LIN7C: variants seen among roughly 807,000 people sequenced by gnomAD.
LIN7C encodes the protein protein lin-7 homolog C.
Under a neutral mutation model 24.7 loss-of-function variants are expected in LIN7C, and 17 were observed. The observed-to-expected ratio is 0.69, with a 90% CI of 0.47 to 1.03. The LOEUF is 1.03. Among genes scored for constraint, LIN7C ranks in the 50% least tolerant of loss-of-function variants. LIN7C has a pLI of 0.00. For missense variants in LIN7C, 204 were observed against 239.0 expected, an observed-to-expected ratio of 0.85 and a Z score of 0.97; for synonymous variants, 90 against 83.4, an observed-to-expected ratio of 1.08 and a Z score of -0.43.
At chr11:27,504,371 C>T (rs1865253151) in intron 1 of LIN7C, among the ~76,000 whole-genome samples, 1 of 152,088 alleles carries the variant, frequency 6.6e-6, no homozygotes, top group South Asian at 2.1e-4. Context: ...CTACTATGTG[C>T]TCAAATTTGT....
rs139000692 is a variant in LIN7C at position 27,500,960 on chromosome 11, C to T, written c.228+535G>A. On this transcript the variant is annotated intron_variant, in intron 3 of 4. Coordinates refer to ENST00000278193, the MANE Select transcript of LIN7C (RefSeq NM_018362.4). ...CTGCTGATATTACCCTGTTCAAACCCCCTATCATGAATAGTGAGGTCAATA... is the reference window on the plus strand; with the variant it reads ...CTGCTGATATTACCCTGTTCAAACCTCCTATCATGAATAGTGAGGTCAATA... Among the ~76,000 whole-genome samples, 863 of 152,184 alleles carry T rather than the reference C, an allele frequency of 5.7e-3. 9 individuals carry two copies. The highest frequency in any genetic ancestry group is 0.02 in the African/African-American group (816 of 41,512).
intron 4 of LIN7C, 108 bp from the exon 5 acceptor site, chr11:27,498,912 A>G: frequency 1.1e-6 from 1 of 917,402 alleles, no homozygotes; most frequent in Admixed American, 2.8e-5. Context: ...TTTTAATGTT[A>G]TATTATTCCA....
intron 4 of LIN7C, 102 bp from the exon 5 acceptor site, chr11:27,498,906 AATGTT>A: frequency 4.1e-6 from 4 of 976,520 alleles, no homozygotes; most frequent in Non-Finnish European, 4.6e-6. Flanking sequence ...GAAAAGTTTT[AATGTT>A]ATATTATTCC....
At chr11:27,505,767 A>G (rs1385425119) in intron 1 of LIN7C, among the ~76,000 whole-genome samples, 1 of 152,210 alleles carries the variant, frequency 6.6e-6, no homozygotes, top group Non-Finnish European at 1.5e-5. Flanking sequence ...CATCCTACAT[A>G]TACATTTTTT....
chr11:27,505,084 G>C (rs891431786), intron 1 of LIN7C, among the ~76,000 whole-genome samples: 4 of 152,214 alleles, frequency 2.6e-5, no homozygotes, highest in Admixed American at 2.0e-4. Context: ...TGTAATCCTA[G>C]CACTTTGGGA....
At chr11:27,501,433 C>G (rs1270598275) in intron 3 of LIN7C, 62 bp downstream of exon 3, 1 of 996,036 alleles carries the variant, frequency 1.0e-6, no homozygotes, top group Non-Finnish European at 1.6e-6. Context: ...AATTTAATAA[C>G]TCCATATTTT....
chr11:27,499,310 C>T, intron 4 of LIN7C, 49 bp downstream of exon 4: 1 of 1,492,592 alleles, frequency 6.7e-7, no homozygotes. Flanking sequence ...AATACGCCCC[C>T]AGGTGGTCAC....
In LIN7C at chr11:27,501,524, G is replaced by A; in HGVS notation, c.199C>T (p.Pro67Ser). The change falls in exon 3 of 5, where the codon CCT becomes TCT. Residue 67 changes from proline (P) to serine (S), a missense_variant. Pro to Ser is a moderately conservative substitution (Grantham distance 74, BLOSUM62 -1). Around this residue, in one of 3 missense-constraint regions of LIN7C, gnomAD observed 126 missense variants for 117.8 expected, o/e 1.07. Coordinates refer to ENST00000278193, the MANE Select transcript of LIN7C (RefSeq NM_018362.4). ...GCAGTAGCGTTCGCTCTCACTTCAG[G>A]ACTGCTACTGATGTCCACAGTCTCA... is the stretch of plus-strand genomic sequence containing the variant. ...VYETVDISSS[P>S]EVRANATAKA... The A allele has an allele frequency of 6.3e-7, 1 of 1,595,686 alleles. No homozygotes were observed. The highest frequency in any genetic ancestry group is 1.8e-5 in the Admixed American group (1 of 55,722).
At position 27,501,793 on chromosome 11, in the gene LIN7C, T is replaced by C. The variant is rs761012770; in HGVS notation, c.156+9A>G. 1.9e-6 allele frequency: 3 copies of C among 1,553,182 alleles called. No homozygotes were observed. The Admixed American group carries it at 5.1e-5, about 27-fold the overall frequency. On this transcript the variant is annotated intron_variant, in intron 2 of 4. Coordinates refer to ENST00000278193, the MANE Select transcript of LIN7C (RefSeq NM_018362.4). ...CAAATTTTTGTAAATTTTAATGATG[T>C]TTACTCACCTCTCTCACAGCATTGC... is the stretch of plus-strand genomic sequence containing the variant.
intron 3 of LIN7C, among the ~76,000 whole-genome samples, chr11:27,499,780 G>A (rs536867248): frequency 1.3e-5 from 2 of 151,660 alleles, no homozygotes; most frequent in East Asian, 2.0e-4. Context: ...CTGCCACCAC[G>A]CCCGGCTAAT....
chr11:27,503,280 A>G (rs1332315968), intron 1 of LIN7C, among the ~76,000 whole-genome samples: 1 of 152,246 alleles, frequency 6.6e-6, no homozygotes, highest in Non-Finnish European at 1.5e-5. Flanking sequence ...GAAGTCAGCT[A>G]TAACACTGTT....
At chr11:27,505,539 T>C (rs1405108873) in intron 1 of LIN7C, among the ~76,000 whole-genome samples, 2 of 152,196 alleles carry the variant, frequency 1.3e-5, no homozygotes, top group Non-Finnish European at 2.9e-5. Context: ...GATGCTTTAA[T>C]AGGCTTAACG....
rs781042537 is a variant in LIN7C, at chr11:27,501,852, G to T, written c.106C>A (p.Gln36Lys). Reference protein sequence around the residue: ...RSGEVPPQKLQALQRVLQSEF... With the variant: ...RSGEVPPQKLKALQRVLQSEF... Reference sequence around the variant, plus strand: ...CTTTGAAGGACTCTTTGCAAAGCCTGAAGTTTCTGTGGTGGTACTTCTCCA... The same window carrying T: ...CTTTGAAGGACTCTTTGCAAAGCCTTAAGTTTCTGTGGTGGTACTTCTCCA... The change falls in exon 2 of 5, where the codon CAG becomes AAG. Residue 36 changes from glutamine to lysine, a missense_variant. Coordinates refer to ENST00000278193, the MANE Select transcript of LIN7C (RefSeq NM_018362.4). 4.3e-6 allele frequency: 7 copies of T among 1,613,516 alleles called. No homozygotes were observed. In the South Asian group the frequency reaches 7.7e-5, roughly 18 times the overall value.
rs1865225482 is a variant in LIN7C at position 27,501,492 on chromosome 11, T to C, written c.228+3A>G. ...CTTACTTTTGGAAAACAAAAAAATT[T>C]ACCTTTGCAGTAGCGTTCGCTCTCA... On this transcript the variant is annotated splice_donor_region_variant and intron_variant, in intron 3 of 4. Transcript: ENST00000278193. 6.3e-7 allele frequency: 1 copy of C among 1,583,438 alleles called. No individual in the cohort carries two copies. Among genetic ancestry groups the C allele is most frequent in the Non-Finnish European group, 8.6e-7 (1 of 1,165,508 alleles).
At position 27,501,556 on chromosome 11, in the gene LIN7C, T is replaced by A; in HGVS notation, c.167A>T (p.His56Leu). The A allele has an allele frequency of 6.3e-7, 1 of 1,590,270 alleles. No homozygotes were observed. The highest frequency in any genetic ancestry group is 8.6e-7 in the Non-Finnish European group (1 of 1,169,138). Residue 56 changes from histidine to leucine, a missense_variant, in exon 3 of 5, where the codon CAT (histidine) becomes CTT (leucine). Physicochemically the swap from His to Leu is moderately conservative, Grantham distance 99. This residue lies in a region of LIN7C where 126 missense variants were observed against 117.8 expected (regional missense o/e 1.07). Transcript: ENST00000278193. ...ACTGATGTCCACAGTCTCATAGACA[T>A]GTTCATATACCTGTAAAAGCCAAAG... ...FCNAVREVYE[H>L]VYETVDISSS...
Position 27,506,702 on chromosome 11 carries a change from T to TCGGCTGCACTCACCTCTCTC in LIN7C, c.31_37+13dup, listed in dbSNP as rs1244994343. On this transcript the variant is annotated intron_variant, in intron 1 of 4. Transcript: ENST00000278193. Reference sequence around the variant, plus strand: ...CCCTTCCGCCCACCTCCGCCGAGCCTCGGCTGCACTCACCTCTCTCCAGCC... The same window carrying TCGGCTGCACTCACCTCTCTC: ...CCCTTCCGCCCACCTCCGCCGAGCCTCGGCTGCACTCACCTCTCTCCGGCTGCACTCACCTCTCTCCAGCC... The TCGGCTGCACTCACCTCTCTC allele has an allele frequency of 1.9e-6, 3 of 1,613,732 alleles. No homozygotes were observed. The highest frequency in any genetic ancestry group is 2.5e-6 in the Non-Finnish European group (3 of 1,179,926).
At chr11:27,504,470 T>A (rs562996823) in intron 1 of LIN7C, among the ~76,000 whole-genome samples, 1 of 152,274 alleles carries the variant, frequency 6.6e-6, no homozygotes, top group South Asian at 2.1e-4. Flanking sequence ...ACTGTAGGAT[T>A]TTCTACTTTA....
Position 27,494,794 on chromosome 11 carries a change from C to T in LIN7C, c.*3855G>A, listed in dbSNP as rs1458688303. 6.6e-6 allele frequency: 1 copy of T among 152,164 alleles called. No homozygotes were observed. Among genetic ancestry groups the T allele is most frequent in the Non-Finnish European group, 1.5e-5 (1 of 68,032 alleles). 9.4% of individuals were successfully genotyped at this position (152,164 alleles called of 1,614,324 possible). A position where few individuals can be genotyped will look rare whatever the true frequency, so the allele number is the denominator to read the frequency against. ...ATAAGTGATTTTTCTCACTACTTAA[C>T]CATACCTGGAATAACCTTTGAAGAA... On this transcript the variant is annotated 3_prime_UTR_variant, in exon 5 of 5. Transcript: ENST00000278193.
chr11:27,501,578 A>G lies in LIN7C; in HGVS notation c.157-12T>C. ...ACATGTTCATATACCTGTAAAAGCC[A>G]AAGTTATATCTCAGAATATACCATG... On this transcript the variant is annotated splice_polypyrimidine_tract_variant and intron_variant, in intron 2 of 4. Coordinates refer to ENST00000278193, the MANE Select transcript of LIN7C (RefSeq NM_018362.4). 7 of 1,551,834 alleles carry G rather than the reference A, an allele frequency of 4.5e-6. No homozygotes were observed. The highest frequency in any genetic ancestry group is 5.3e-6 in the Non-Finnish European group (6 of 1,139,502).
Sources: gnomAD v4.1 joint callset for allele counts (sites outside exome capture counted in the v4.1 genomes callset) on GRCh38, gnomAD v4.1.1 for gene constraint, gnomAD v4.1.1 regional missense constraint, MANE v1.5 for transcripts, NCBI Gene and HGNC (gene_info 2026-07-23, HGNC 2026-07-21) for gene names.